The following ADGRL3 variants were observed in gnomAD, a reference collection of about 807,000 sequenced individuals.
The protein encoded by ADGRL3 is calcium-independent alpha-latrotoxin receptor 3.
A neutral mutation model predicts 153.5 loss-of-function variants in ADGRL3; 62 were observed. That is an observed-to-expected ratio of 0.40 (90% CI 0.33 to 0.50). ADGRL3 has a LOEUF of 0.50. Ranked by LOEUF, ADGRL3 falls within the 20% of genes least tolerant of loss-of-function variation. The pLI is 0.47. For missense variants in ADGRL3, 1,641 were observed against 1,859.4 expected (o/e 0.88, Z 2.16); for synonymous variants, 710 against 672.5 (o/e 1.06, Z -0.86).
At chr4:61,237,927 G>A (rs1330765238) in intron 1 of ADGRL3, among the ~76,000 whole-genome samples, 2 of 152,114 alleles carry the variant, frequency 1.3e-5, no homozygotes, top group Non-Finnish European at 1.5e-5. Flanking sequence ...GTGCGAGTCT[G>A]TGTTGCTGAG....
intron 17 of ADGRL3, among the ~76,000 whole-genome samples, chr4:61,976,803 G>T (rs1053582360): frequency 5.3e-5 from 8 of 152,046 alleles, no homozygotes; most frequent in African/African-American, 1.9e-4. Context: ...CCATTAAACT[G>T]CTCTTCTTTA....
intron 2 of ADGRL3, among the ~76,000 whole-genome samples, chr4:61,424,538 G>A (rs1282843538): frequency 2.0e-5 from 3 of 152,184 alleles, no homozygotes; most frequent in Admixed American, 6.5e-5. Flanking sequence ...GGGGTCATTA[G>A]TAAGGCTCTC....
intron 1 of ADGRL3, among the ~76,000 whole-genome samples, chr4:61,326,468 T>C (rs532985490): frequency 4.6e-5 from 7 of 151,998 alleles, no homozygotes; most frequent in Non-Finnish European, 8.8e-5. Flanking sequence ...TTACCCCTAA[T>C]AGTAGCTACA....
intron 4 of ADGRL3, among the ~76,000 whole-genome samples, chr4:61,538,475 T>C (rs1303377904): frequency 6.6e-6 from 1 of 152,142 alleles, no homozygotes; most frequent in Non-Finnish European, 1.5e-5. Context: ...GTTTCGATCT[T>C]GTTGCCCAGG....
chr4:61,634,596 A>G (rs1406159207), intron 5 of ADGRL3, among the ~76,000 whole-genome samples: 2 of 152,160 alleles, frequency 1.3e-5, no homozygotes, highest in Non-Finnish European at 2.9e-5. Flanking sequence ...ATCAAAACAC[A>G]CAGCTCCGAA....
intron 21 of ADGRL3, among the ~76,000 whole-genome samples, chr4:62,012,921 T>C (rs1248382657): frequency 6.6e-6 from 1 of 152,102 alleles, no homozygotes; most frequent in Non-Finnish European, 1.5e-5. Flanking sequence ...AGAATATTGT[T>C]CTGGTGAAGA....
At chr4:61,492,463 G>A (rs1260969722) in intron 2 of ADGRL3, among the ~76,000 whole-genome samples, 3 of 152,084 alleles carry the variant, frequency 2.0e-5, no homozygotes, top group African/African-American at 4.8e-5. Context: ...ACATTCCCAG[G>A]ATAAGCAGTT....
chr4:62,063,538 T>G, intron 25 of ADGRL3: 1 of 699,086 alleles, frequency 1.4e-6, no homozygotes, highest in Non-Finnish European at 2.6e-6. Context: ...AGCAATGCTC[T>G]GCTTCGTCCG....
At chr4:61,585,163 A>AAGAG (rs147556973) in intron 4 of ADGRL3, among the ~76,000 whole-genome samples, 4 of 151,112 alleles carry the variant, frequency 2.6e-5, no homozygotes, top group African/African-American at 9.7e-5. Flanking sequence ...ACAATAAAGA[A>AAGAG]AGAGAGAGAG....
chr4:61,460,478 T>G (rs1268360391), intron 2 of ADGRL3, among the ~76,000 whole-genome samples: 1 of 151,694 alleles, frequency 6.6e-6, no homozygotes, highest in African/African-American at 2.4e-5. Flanking sequence ...TTCACTGACA[T>G]GTGGAAAGGT....
intron 5 of ADGRL3, among the ~76,000 whole-genome samples, chr4:61,659,645 A>G (rs1203308957): frequency 6.6e-6 from 1 of 152,186 alleles, no homozygotes; most frequent in African/African-American, 2.4e-5. Context: ...AATCGAGAAC[A>G]AAGAGAAGTT....
chr4:61,446,481 A>T (rs1198746057), intron 2 of ADGRL3, among the ~76,000 whole-genome samples: 4 of 152,232 alleles, frequency 2.6e-5, no homozygotes, highest in African/African-American at 9.6e-5. Context: ...TGAGGGAGAT[A>T]CATTTGTAAG....
chr4:61,270,542 G>A (rs2093110914), intron 1 of ADGRL3, among the ~76,000 whole-genome samples: 1 of 151,754 alleles, frequency 6.6e-6, no homozygotes, highest in Non-Finnish European at 1.5e-5. Context: ...AATCATATTA[G>A]GAGAGTGGCA....
At chr4:61,511,878 G>T (rs571075256) in intron 3 of ADGRL3, among the ~76,000 whole-genome samples, 1 of 152,208 alleles carries the variant, frequency 6.6e-6, no homozygotes, top group African/African-American at 2.4e-5. Flanking sequence ...TGCTTGAATT[G>T]GATCTTTTAT....
intron 1 of ADGRL3, among the ~76,000 whole-genome samples, chr4:61,238,299 T>C (rs1260190629): frequency 1.3e-5 from 2 of 152,148 alleles, no homozygotes; most frequent in African/African-American, 4.8e-5. Context: ...TTTTAACAAA[T>C]TGAGGATTCA....
chr4:61,589,156 T>C (rs929505061), intron 5 of ADGRL3, among the ~76,000 whole-genome samples: 2 of 152,098 alleles, frequency 1.3e-5, no homozygotes, highest in Admixed American at 6.6e-5. Context: ...AAAAATACTT[T>C]AAGCACCGTT....
At chr4:61,612,332 A>C (rs1273822052) in intron 5 of ADGRL3, among the ~76,000 whole-genome samples, 1 of 152,126 alleles carries the variant, frequency 6.6e-6, no homozygotes, top group South Asian at 2.1e-4. Flanking sequence ...CTTGTGACAG[A>C]TCTCCAAATG....
At chr4:61,249,337 A>G (rs936178741) in intron 1 of ADGRL3, among the ~76,000 whole-genome samples, 1 of 152,106 alleles carries the variant, frequency 6.6e-6, no homozygotes, top group African/African-American at 2.4e-5. Context: ...ACAGAAATAC[A>G]TTTCTCTGTC....
chr4:61,903,268 C>T (rs2098674957), intron 11 of ADGRL3, among the ~76,000 whole-genome samples: 1 of 152,082 alleles, frequency 6.6e-6, no homozygotes, highest in Non-Finnish European at 1.5e-5. Context: ...CTCAACTTAC[C>T]TTTCAAGGTT....
Sources: gnomAD v4.1 joint callset for allele counts (sites outside exome capture counted in the v4.1 genomes callset) on GRCh38, gnomAD v4.1.1 for gene constraint, MANE v1.5 for transcripts, NCBI Gene and HGNC (gene_info 2026-07-23, HGNC 2026-07-21) for gene names.